The following ITFG2 variants were observed in gnomAD, a reference collection of about 807,000 sequenced individuals.
The protein encoded by ITFG2 is KICSTOR complex protein ITFG2.
ITFG2 carries 36 observed loss-of-function variants against 54.4 expected under a neutral mutation model. The observed-to-expected ratio is 0.66, with a 90% CI of 0.51 to 0.87. The LOEUF (loss-of-function observed/expected upper bound fraction) is 0.87. Ranked by LOEUF, ITFG2 falls within the 40% of genes least tolerant of loss-of-function variation. The pLI is 0.00. For synonymous variants in ITFG2, 211 were observed against 225.4 expected (o/e 0.94, Z 0.57); for missense variants, 524 against 576.7 (o/e 0.91, Z 0.94).
At chr12:2,826,760 C>T (rs1025006455), downstream of ITFG2, 9 of 198,302 alleles carry the variant, frequency 4.5e-5, no homozygotes, top group Non-Finnish European at 7.1e-5. Context: ...TGAGGCATGG[C>T]GGTCTAGTTG....
rs2097941086 is a variant in ITFG2, at chr12:2,820,714, C to T, written c.547-10C>T. The T allele has an allele frequency of 2.0e-6, 3 of 1,479,684 alleles. No homozygotes were observed. The South Asian group carries it at 3.4e-5, about 17-fold the overall frequency. 91.7% of individuals were successfully genotyped at this position (1,479,684 alleles called of 1,614,324 possible). ...TCTCCGTCTCCCTTTAATCCCATTC[C>T]CTGGTGCAGGTGGACAGCCTCTCAG... On this transcript the variant is annotated splice_polypyrimidine_tract_variant and intron_variant, in intron 5 of 11. Transcript: ENST00000228799.
chr12:2,817,386 G>A lies in ITFG2; in HGVS notation c.192+68G>A, dbSNP rs1017502116. On this transcript the variant is annotated intron_variant, in intron 2 of 11. Coordinates refer to ENST00000228799, the MANE Select transcript of ITFG2 (RefSeq NM_018463.4). ...CTTCTGTCCAGGGACCACCTAGGGT[G>A]AGCCCCACACAGGTGCTCACCCATG... 4 of 1,129,544 alleles carry A rather than the reference G, an allele frequency of 3.5e-6. No homozygotes were observed. The African/African-American group carries it at 6.1e-5, about 17-fold the overall frequency. 70.0% of individuals were successfully genotyped at this position (1,129,544 alleles called of 1,614,324 possible). A position where few individuals can be genotyped will look rare whatever the true frequency, so the allele number is the denominator to read the frequency against.
At chr12:2,842,200 C>T (rs2153927250) in intron 2 of ITFG2, among the ~76,000 whole-genome samples, 1 of 134,934 alleles carries the variant, frequency 7.4e-6, no homozygotes, top group East Asian at 2.2e-4. Flanking sequence ...CGGCTCACTG[C>T]AACGTCTGCC....
In ITFG2 at chr12:2,822,842, T is replaced by C. The variant is rs773949688; in HGVS notation, c.997T>C (p.Tyr333His). The part of the protein sequence containing the change: ...VVACAWDGQT[Y>H]IIDHNRTVVR... ...TGCATGCGCCTGGGATGGACAGACA[T>C]ATATCATTGATCACAACCGCACCGT... Residue 333 changes from tyrosine to histidine, a missense_variant, in exon 10 of 12, where the codon TAT (tyrosine) becomes CAT (histidine). Tyr to His is a moderately conservative substitution (Grantham distance 83). Coordinates refer to ENST00000228799, the MANE Select transcript of ITFG2 (RefSeq NM_018463.4). The C allele has an allele frequency of 6.2e-7, 1 of 1,614,134 alleles. No individual in the cohort carries two copies. Among genetic ancestry groups the C allele is most frequent in the East Asian group, 2.2e-5 (1 of 44,878 alleles).
At chr12:2,839,533 T>C (rs2153926995) in intron 1 of ITFG2, among the ~76,000 whole-genome samples, 1 of 152,318 alleles carries the variant, frequency 6.6e-6, no homozygotes, top group South Asian at 2.1e-4. Flanking sequence ...TATGGCTCCT[T>C]CGCTGCATTG....
upstream of ITFG2, among the ~76,000 whole-genome samples, chr12:2,832,174 C>T (rs914217601): frequency 3.9e-5 from 6 of 152,118 alleles, no homozygotes; most frequent in Non-Finnish European, 7.4e-5. Context: ...GATTCATGTG[C>T]AGGTTAAAGT....
chr12:2,858,278 T>C (rs2098095489), exon 3 of ITFG2: 1 of 197,884 alleles, frequency 5.1e-6, no homozygotes. Flanking sequence ...AATTAGAGGA[T>C]AATTTGGAGA....
intron 3 of ITFG2, chr12:2,858,808 GTGGCTCC>G: frequency 1.2e-6 from 2 of 1,614,210 alleles, no homozygotes; most frequent in Non-Finnish European, 1.7e-6. Context: ...CCAGAAACCT[GTGGCTCC>G]GGGGAGCCTG....
chr12:2,819,854 T>C (rs1448413213), intron 4 of ITFG2: 1 of 372,936 alleles, frequency 2.7e-6, no homozygotes, highest in Admixed American at 4.4e-5. Context: ...TTGAGTTGCA[T>C]GTTTGAGAAG....
chr12:2,822,917 C>T lies in ITFG2; in HGVS notation c.1066+6C>T, dbSNP rs2097950401. The T allele has an allele frequency of 1.2e-6, 2 of 1,609,806 alleles. No individual in the cohort carries two copies. The highest frequency in any genetic ancestry group is 1.7e-5 in the Admixed American group (1 of 59,992). ...TATCCGTGCCTTCTGTGCAGGTGACCCCCGCCCCCATGGCCCCTTTCTAAC... is the reference window on the plus strand; with the variant it reads ...TATCCGTGCCTTCTGTGCAGGTGACTCCCGCCCCCATGGCCCCTTTCTAAC... On this transcript the variant is annotated splice_donor_region_variant and intron_variant, in intron 10 of 11. Coordinates refer to ENST00000228799, the MANE Select transcript of ITFG2 (RefSeq NM_018463.4).
At chr12:2,856,065 C>T (rs2098086326) in intron 2 of ITFG2, among the ~76,000 whole-genome samples, 1 of 152,154 alleles carries the variant, frequency 6.6e-6, no homozygotes, top group Non-Finnish European at 1.5e-5. Context: ...AAATAAACAG[C>T]AGCAAGTACA....
At chr12:2,853,684 G>A (rs1012286998) in intron 2 of ITFG2, among the ~76,000 whole-genome samples, 3 of 151,524 alleles carry the variant, frequency 2.0e-5, no homozygotes, top group Admixed American at 6.6e-5. Flanking sequence ...CCTTGGGATT[G>A]GAATTTGAGA....
intron 10 of ITFG2, among the ~76,000 whole-genome samples, 173 bp downstream of exon 10, chr12:2,823,084 T>G (rs1603483269): frequency 6.6e-6 from 1 of 152,100 alleles, no homozygotes; most frequent in Non-Finnish European, 1.5e-5. Context: ...GGGTGAGTGA[T>G]GTAAGTCTTC....
intron 1 of ITFG2, among the ~76,000 whole-genome samples, chr12:2,815,683 A>G (rs536251160): frequency 1.6e-4 from 24 of 152,362 alleles, no homozygotes; most frequent in Middle Eastern, 6.8e-3. Context: ...TGTAATGGGC[A>G]AATTCAAAGA....
At chr12:2,823,712 C>T in intron 10 of ITFG2, 58 bp from the exon 11 acceptor site, 3 of 1,500,552 alleles carry the variant, frequency 2.0e-6, no homozygotes, top group South Asian at 1.4e-5. Context: ...TTGCTGTCTG[C>T]CCCCCACTGT....
chr12:2,852,951 G>T (rs914026197), intron 2 of ITFG2, among the ~76,000 whole-genome samples: 5 of 151,866 alleles, frequency 3.3e-5, no homozygotes, highest in Non-Finnish European at 7.4e-5. Flanking sequence ...AGTGAGCCAA[G>T]ATCACACCAC....
chr12:2,831,187 A>G (rs984640706), downstream of ITFG2, among the ~76,000 whole-genome samples: 3 of 150,344 alleles, frequency 2.0e-5, no homozygotes, highest in African/African-American at 4.9e-5. Context: ...TCAAACTTAC[A>G]TTTTTTTTTA....
rs187971558 is a variant in ITFG2, at chr12:2,842,041, A to T, written n.300+1046A>T. ...CCCATATTGATAATATTTTTGATCT[A>T]TTGGGTTAAATAAAATACATAAAAA... On this transcript the variant is annotated intron_variant and non_coding_transcript_variant, in intron 2 of 3. Transcript: ENST00000537710. Among the ~76,000 whole-genome samples the T allele has an allele frequency of 1.6e-3, 248 of 150,564 alleles. 1 individual carries two copies. The highest frequency in any genetic ancestry group is 5.7e-3 in the African/African-American group (234 of 41,096).
intron 3 of ITFG2, 54 bp downstream of exon 3, chr12:2,818,004 GAAGGTTA>G: frequency 6.2e-7 from 1 of 1,610,546 alleles, no homozygotes; most frequent in Non-Finnish European, 8.5e-7. Context: ...GAAATCAGTT[GAAGGTTA>G]AAGGCTTCAG....
Sources: gnomAD v4.1 joint callset for allele counts (sites outside exome capture counted in the v4.1 genomes callset) on GRCh38, gnomAD v4.1.1 for gene constraint, MANE v1.5 for transcripts, NCBI Gene and HGNC (gene_info 2026-07-23, HGNC 2026-07-21) for gene names.